Variants in VRK2 observed in about 807,000 individuals in gnomAD.
The protein encoded by VRK2 is VRK serine/threonine kinase 2, also known as serine/threonine-protein kinase VRK2.
In VRK2, 60 loss-of-function variants were observed where a neutral mutation model predicts 57.6. That is an observed-to-expected ratio of 1.04 (90% CI 0.85 to 1.29). VRK2 has a LOEUF of 1.29. Among genes scored for constraint, VRK2 ranks in the 50% most tolerant of loss-of-function variants. The pLI is 0.00. For synonymous variants in VRK2, 231 were observed against 199.2 expected (o/e 1.16, Z -1.35); for missense variants, 705 against 588.1 (o/e 1.20, Z -2.06).
intron 12 of VRK2, among the ~76,000 whole-genome samples, chr2:58,152,851 A>G (rs1477611376): frequency 6.6e-6 from 1 of 152,008 alleles, no homozygotes; most frequent in Non-Finnish European, 1.5e-5. Flanking sequence ...AACATTTTAC[A>G]TAACCATAAT....
At chr2:57,988,580 G>A (rs537888355) in intron 1 of VRK2, among the ~76,000 whole-genome samples, 1 of 152,188 alleles carries the variant, frequency 6.6e-6, no homozygotes, top group Non-Finnish European at 1.5e-5. Context: ...TGAATGAAAT[G>A]GTATTGGAAG....
chr2:58,056,948 A>G (rs77904218), intron 2 of VRK2, among the ~76,000 whole-genome samples: 1,570 of 152,254 alleles, frequency 0.01, 17 homozygotes, highest in Non-Finnish European at 0.016. Flanking sequence ...CTGAAATGCT[A>G]AAGAGGCATG....
chr2:58,155,763 C>G (rs1332103946), intron 12 of VRK2, among the ~76,000 whole-genome samples: 1 of 148,082 alleles, frequency 6.8e-6, no homozygotes, highest in African/African-American at 2.5e-5. Flanking sequence ...CACCATCCCC[C>G]CCACCCCGCC....
intron 3 of VRK2, among the ~76,000 whole-genome samples, chr2:58,036,471 G>T (rs1260380342): frequency 6.6e-6 from 1 of 151,946 alleles, no homozygotes; most frequent in Non-Finnish European, 1.5e-5. Context: ...TAGGTAAAAA[G>T]TACCATAGGT....
At chr2:58,149,586 G>A (rs940451953) in intron 12 of VRK2, among the ~76,000 whole-genome samples, 4 of 151,502 alleles carry the variant, frequency 2.6e-5, no homozygotes, top group Non-Finnish European at 5.9e-5. Flanking sequence ...TTGAATAGAA[G>A]TTGTGACAGT....
intron 1 of VRK2, among the ~76,000 whole-genome samples, chr2:57,970,006 T>C (rs2104018354): frequency 6.6e-6 from 1 of 151,848 alleles, no homozygotes; most frequent in Non-Finnish European, 1.5e-5. Context: ...ATTCTACCCT[T>C]TGTAGCTAAG....
chr2:58,145,440 C>G (rs1448437064), intron 11 of VRK2, among the ~76,000 whole-genome samples: 1 of 151,846 alleles, frequency 6.6e-6, no homozygotes, highest in Admixed American at 6.6e-5. Flanking sequence ...TGATAGAAAA[C>G]TAAGATTTTA....
At chr2:57,948,076 A>G (rs115316161) in intron 1 of VRK2, among the ~76,000 whole-genome samples, 2,441 of 152,266 alleles carry the variant, frequency 0.016, 70 homozygotes, top group African/African-American at 0.055. Flanking sequence ...AGTTCCCAGA[A>G]CTAGACTTAA....
intron 1 of VRK2, among the ~76,000 whole-genome samples, chr2:57,992,388 TAAGA>T (rs1038494221): frequency 6.6e-6 from 1 of 152,216 alleles, no homozygotes; most frequent in African/African-American, 2.4e-5. Context: ...ATTTGAACAG[TAAGA>T]AAGAAGGGCA....
chr2:57,915,811 C>CA (rs888567101), intron 1 of VRK2, among the ~76,000 whole-genome samples: 1 of 152,176 alleles, frequency 6.6e-6, no homozygotes, highest in African/African-American at 2.4e-5. Context: ...GAGTGGTGGG[C>CA]AAGCCAGCAT....
chr2:58,085,541 T>G (rs956251102), intron 4 of VRK2, among the ~76,000 whole-genome samples: 2 of 151,932 alleles, frequency 1.3e-5, no homozygotes, highest in Non-Finnish European at 2.9e-5. Context: ...AAATGTGATA[T>G]AGATGGGCTA....
chr2:58,036,269 T>A (rs964580086), intron 3 of VRK2, among the ~76,000 whole-genome samples: 6 of 152,012 alleles, frequency 3.9e-5, no homozygotes, highest in Admixed American at 6.6e-5. Flanking sequence ...TATAATAATA[T>A]TACTTTGGGC....
In VRK2 at chr2:58,066,382, T is replaced by G. The variant is rs538716060; in HGVS notation, c.136+17415T>G. Among the ~76,000 whole-genome samples, 301 of 152,308 alleles carry G rather than the reference T, an allele frequency of 2.0e-3. 1 individual carries two copies. The highest frequency in any genetic ancestry group is 7.0e-3 in the African/African-American group (292 of 41,576). On this transcript the variant is annotated intron_variant, in intron 2 of 12. Transcript: ENST00000340157. The stretch of plus-strand genomic sequence containing the variant: ...TTATTAATATGGTAGATGACATTGA[T>G]TTTTGAATATTGAAACATTCTTGCA...
At chr2:58,093,605 T>G (rs1447267921) in intron 7 of VRK2, among the ~76,000 whole-genome samples, 2 of 152,174 alleles carry the variant, frequency 1.3e-5, no homozygotes, top group Non-Finnish European at 2.9e-5. Context: ...GTTCTCCCAT[T>G]TTGTAGGTTG....
At chr2:58,144,597 A>G (rs575524468) in intron 11 of VRK2, among the ~76,000 whole-genome samples, 10 of 152,120 alleles carry the variant, frequency 6.6e-5, no homozygotes, top group South Asian at 2.1e-4. Context: ...TGGTAAGCCA[A>G]TGTTTTAATA....
At chr2:57,987,974 G>A (rs940357463) in intron 1 of VRK2, among the ~76,000 whole-genome samples, 3 of 152,138 alleles carry the variant, frequency 2.0e-5, no homozygotes, top group African/African-American at 7.2e-5. Context: ...ACAGAAAACA[G>A]ATCAGTTGTT....
At chr2:58,046,578 T>G (rs991866216), upstream of VRK2, 1 of 985,414 alleles carries the variant, frequency 1.0e-6, no homozygotes, top group Non-Finnish European at 1.2e-6. Flanking sequence ...AGGGTGGAGG[T>G]AGTAACACAG....
intron 2 of VRK2, among the ~76,000 whole-genome samples, chr2:58,026,288 G>A (rs13033536): frequency 0.31 from 46,243 of 151,526 alleles, 8,409 homozygotes; most frequent in East Asian, 0.48. Flanking sequence ...GTGTGTGTGC[G>A]CGCGCACACA....
intron 1 of VRK2, among the ~76,000 whole-genome samples, chr2:57,963,228 C>T (rs1363390557): frequency 2.0e-5 from 3 of 152,168 alleles, no homozygotes; most frequent in Non-Finnish European, 2.9e-5. Context: ...CTGTAGCATG[C>T]ACTCCTAATT....
Sources: gnomAD v4.1 joint callset for allele counts (sites outside exome capture counted in the v4.1 genomes callset) on GRCh38, gnomAD v4.1.1 for gene constraint, MANE v1.5 for transcripts, NCBI Gene and HGNC (gene_info 2026-07-23, HGNC 2026-07-21) for gene names.